The following KANSL1 variants were observed in gnomAD, a reference collection of about 807,000 sequenced individuals.
KANSL1 encodes KAT8 regulatory NSL complex subunit 1.
In KANSL1, 22 loss-of-function variants were observed where a neutral mutation model predicts 103.6. The observed-to-expected ratio is 0.21, with a 90% CI of 0.15 to 0.30. The LOEUF (loss-of-function observed/expected upper bound fraction) is 0.30, where lower values mean the gene tolerates loss of function less well. Ranked by LOEUF, KANSL1 falls within the 10% of genes least tolerant of loss-of-function variation. The pLI, the probability that KANSL1 is intolerant of heterozygous loss-of-function variation, is 1.00. For missense variants in KANSL1, 1,337 were observed against 1,399.8 expected, an observed-to-expected ratio of 0.96 and a Z score of 0.72; for synonymous variants, 600 against 527.6, an observed-to-expected ratio of 1.14 and a Z score of -1.88.
chr17:46,176,627 G>A (rs766848375), intron 1 of KANSL1, among the ~76,000 whole-genome samples: 3 of 151,628 alleles, frequency 2.0e-5, no homozygotes, highest in Non-Finnish European at 4.4e-5. Flanking sequence ...GGCAGCAGAG[G>A]TTGCAATTAG....
At chr17:46,166,955 T>C (rs1230456394) in intron 2 of KANSL1, among the ~76,000 whole-genome samples, 2 of 151,758 alleles carry the variant, frequency 1.3e-5, no homozygotes, top group African/African-American at 2.4e-5. Context: ...AAATGTTTTA[T>C]GAGGTTATTT....
At chr17:46,147,587 A>ATTT (rs1433742379) in intron 2 of KANSL1, among the ~76,000 whole-genome samples, 17,706 of 150,292 alleles carry the variant, frequency 0.12, 2 homozygotes, top group Non-Finnish European at 0.18. Context: ...AAAAAAAAAA[A>ATTT]AAAAAAAAAG....
intron 2 of KANSL1, among the ~76,000 whole-genome samples, chr17:46,111,198 T>C (rs931678630): frequency 7.2e-5 from 11 of 152,202 alleles, no homozygotes; most frequent in South Asian, 2.1e-4. Flanking sequence ...TGTTCAAACA[T>C]TGCCAAGAAA....
intron 6 of KANSL1, among the ~76,000 whole-genome samples, chr17:46,057,398 G>A (rs2077971896): frequency 6.6e-6 from 1 of 151,948 alleles, no homozygotes; most frequent in Admixed American, 6.6e-5. Context: ...CTGTACCTCA[G>A]GGTAAACAAA....
chr17:46,216,670 T>C (rs1350750257), intron 1 of KANSL1, among the ~76,000 whole-genome samples: 1 of 150,736 alleles, frequency 6.6e-6, no homozygotes, highest in Admixed American at 6.6e-5. Flanking sequence ...AGAAGCTAAA[T>C]AAATAATCTA....
chr17:46,191,354 G>C (rs1259192517), intron 1 of KANSL1, among the ~76,000 whole-genome samples: 3 of 152,188 alleles, frequency 2.0e-5, no homozygotes, highest in Admixed American at 6.5e-5. Context: ...GTAGACAATT[G>C]AAATTTTCTA....
intron 2 of KANSL1, among the ~76,000 whole-genome samples, chr17:46,144,395 C>T (rs2044588352): frequency 6.6e-6 from 1 of 152,218 alleles, no homozygotes; most frequent in Admixed American, 6.5e-5. Flanking sequence ...CTACTAATTG[C>T]ATATTCAAAT....
At chr17:46,047,204 T>C (rs1321402528) in intron 7 of KANSL1, among the ~76,000 whole-genome samples, 4 of 152,212 alleles carry the variant, frequency 2.6e-5, no homozygotes, top group African/African-American at 4.8e-5. Flanking sequence ...CGGTATCTAC[T>C]GGATTTAGGT....
At chr17:46,106,856 T>C (rs989899306) in intron 2 of KANSL1, among the ~76,000 whole-genome samples, 3 of 145,798 alleles carry the variant, frequency 2.1e-5, no homozygotes, top group East Asian at 1.9e-4. Flanking sequence ...AGTGAATAAA[T>C]AGAAGAAACC....
At chr17:46,064,175 G>A (rs1598520529) in intron 6 of KANSL1, among the ~76,000 whole-genome samples, 1 of 151,486 alleles carries the variant, frequency 6.6e-6, no homozygotes, top group African/African-American at 2.4e-5. Flanking sequence ...CCGAGGAATA[G>A]ACAGGAAGAA....
At chr17:46,173,216 T>C (rs2046369175) in intron 1 of KANSL1, among the ~76,000 whole-genome samples, 1 of 152,244 alleles carries the variant, frequency 6.6e-6, no homozygotes, top group Non-Finnish European at 1.5e-5. Context: ...AGGTCCCTTC[T>C]GCCCTCTTCT....
At chr17:46,182,814 C>T (rs1478640627) in intron 1 of KANSL1, among the ~76,000 whole-genome samples, 2 of 152,140 alleles carry the variant, frequency 1.3e-5, no homozygotes, top group Admixed American at 6.5e-5. Context: ...ATGCTAAAGC[C>T]GATGCTTTTA....
chr17:46,125,958 A>G (rs1228997199), intron 2 of KANSL1, among the ~76,000 whole-genome samples: 1 of 152,204 alleles, frequency 6.6e-6, no homozygotes, highest in Non-Finnish European at 1.5e-5. Flanking sequence ...AATAAAGCAA[A>G]TATTGTTATT....
At chr17:46,059,597 T>C (rs1184906861) in intron 6 of KANSL1, among the ~76,000 whole-genome samples, 1 of 123,092 alleles carries the variant, frequency 8.1e-6, no homozygotes, top group Non-Finnish European at 1.6e-5. Flanking sequence ...CACTTCAGCC[T>C]GGGTGACAGA....
At chr17:46,199,873 A>C (rs2047736859) in intron 1 of KANSL1, among the ~76,000 whole-genome samples, 1 of 152,240 alleles carries the variant, frequency 6.6e-6, no homozygotes, top group Non-Finnish European at 1.5e-5. Context: ...GAAAGAAACA[A>C]GTCAGGTTCT....
In KANSL1 at chr17:46,113,117, C is replaced by A. The variant is rs2042893697; in HGVS notation, c.1290-18416G>T. 2.0e-5 allele frequency among the ~76,000 whole-genome samples: 3 copies of A among 152,088 alleles called. No individual in the cohort carries two copies. The South Asian group carries it at 6.2e-4, about 31-fold the overall frequency. ...CTGAAGACATTTTTTGTTGTCACAA[C>A]TGGGGGTGGGGGGATGGTACTTGGT... On this transcript the variant is annotated intron_variant, in intron 2 of 14. Coordinates refer to ENST00000432791, the MANE Select transcript of KANSL1 (RefSeq NM_015443.4).
In KANSL1 at chr17:46,032,047, C is replaced by G. The variant is rs1202555275; in HGVS notation, c.3090G>C (p.Gln1030His). 1 of 1,614,038 alleles carries G rather than the reference C, an allele frequency of 6.2e-7. No homozygotes were observed. Among genetic ancestry groups the G allele is most frequent in the Non-Finnish European group, 8.5e-7 (1 of 1,180,038 alleles). Residue 1030 changes from glutamine to histidine, a missense_variant and splice_region_variant, in exon 14 of 15, where the codon CAG (glutamine) becomes CAC (histidine). By Grantham distance (24) the Gln-to-His change is conservative. Transcript: ENST00000432791. The stretch of plus-strand genomic sequence containing the variant: ...CCCACCCAAAGGCTGCGTCCCTTAC[C>G]TGTTCATCCAGCCCCAGCTCTGGTG... ...CSTPELGLDEQSVQPWERRTF... is the reference protein window; with the variant it reads ...CSTPELGLDEHSVQPWERRTF...
chr17:46,159,156 G>A (rs188484083), intron 2 of KANSL1, among the ~76,000 whole-genome samples: 1 of 152,190 alleles, frequency 6.6e-6, no homozygotes, highest in African/African-American at 2.4e-5. Flanking sequence ...GAGGGTCACC[G>A]GGCTGCTCAC....
In KANSL1 at chr17:46,052,107, T is replaced by C. The variant is rs542287605; in HGVS notation, c.1849-1403A>G. 7.8e-4 allele frequency among the ~76,000 whole-genome samples: 118 copies of C among 152,050 alleles called. 1 individual carries two copies. In the South Asian group the frequency reaches 0.019, roughly 25 times the overall value. On this transcript the variant is annotated intron_variant, in intron 6 of 14. Transcript: ENST00000432791. Reference sequence around the variant, plus strand: ...GATGACATTTTGAGGTAAAGAGAAATGAGTAGGTAGAGATGAAAATGAGAT... The same window carrying C: ...GATGACATTTTGAGGTAAAGAGAAACGAGTAGGTAGAGATGAAAATGAGAT...
Sources: allele counts gnomAD v4.1 joint callset (sites outside exome capture counted in the v4.1 genomes callset), GRCh38; gene constraint gnomAD v4.1.1; transcripts MANE v1.5; gene names NCBI Gene and HGNC (gene_info 2026-07-23, HGNC 2026-07-21).